ZNF804A: variants seen among roughly 807,000 people sequenced by gnomAD.
ZNF804A encodes the protein zinc finger protein 804A.
In ZNF804A, 2 loss-of-function variants were observed where a neutral mutation model predicts 16.5. That is an observed-to-expected ratio of 0.12 (90% CI 0.05 to 0.38). The LOEUF (loss-of-function observed/expected upper bound fraction) is 0.38, where lower values mean the gene tolerates loss of function less well. ZNF804A is among the 10% of genes least tolerant of loss of function. ZNF804A has a pLI of 0.99. For missense variants in ZNF804A, 1,473 were observed against 1,390.7 expected (o/e 1.06, Z -0.94); for synonymous variants, 534 against 489.6 (o/e 1.09, Z -1.20).
At chr2:184,863,281 A>T (rs1007917305) in intron 1 of ZNF804A, among the ~76,000 whole-genome samples, 4 of 152,136 alleles carry the variant, frequency 2.6e-5, no homozygotes, top group Admixed American at 2.6e-4. Context: ...GTGCTTCATT[A>T]TTTCCATCTG....
chr2:184,938,460 C>A lies in ZNF804A; in HGVS notation c.3064C>A (p.Gln1022Lys). The A allele has an allele frequency of 6.2e-7, 1 of 1,614,060 alleles. No homozygotes were observed. The highest frequency in any genetic ancestry group is 1.1e-5 in the South Asian group (1 of 91,086). Residue 1022 changes from glutamine to lysine, a missense_variant, in exon 4 of 4, where the codon CAA (glutamine) becomes AAA (lysine). Physicochemically the swap from Gln to Lys is moderately conservative, Grantham distance 53. Transcript: ENST00000302277. Reference protein sequence around the residue: ...VSGHTFVTAEQILAPLALPEQ... With the variant: ...VSGHTFVTAEKILAPLALPEQ... ...TGGTCATACTTTTGTAACAGCTGAG[C>A]AAATCCTGGCTCCATTAGCTTTACC...
intron 1 of ZNF804A, among the ~76,000 whole-genome samples, chr2:184,751,791 A>G (rs1474455072): frequency 6.6e-6 from 1 of 151,412 alleles, no homozygotes; most frequent in Non-Finnish European, 1.5e-5. Flanking sequence ...GAAAGATACA[A>G]ACAACCACAT....
Position 184,936,273 on chromosome 2 carries a change from A to T in ZNF804A, c.877A>T (p.Thr293Ser), listed in dbSNP as rs1303583785. 2 of 1,613,964 alleles carry T rather than the reference A, an allele frequency of 1.2e-6. No homozygotes were observed. The highest frequency in any genetic ancestry group is 1.7e-6 in the Non-Finnish European group (2 of 1,179,956). ...GTGCAGAGACAAAGAAACTGTTCAA[A>T]CTCAAGAGATAAAAGAAGTCTCTAG... ...AMCRDKETVQ[T>S]QEIKEVSSEK... The change falls in exon 4 of 4, where the codon ACT (threonine) becomes TCT (serine). Residue 293 changes from threonine (T) to serine (S), a missense_variant. Transcript: ENST00000302277.
chr2:184,695,334 G>A (rs1692813711), intron 1 of ZNF804A, among the ~76,000 whole-genome samples: 1 of 151,694 alleles, frequency 6.6e-6, no homozygotes, highest in Admixed American at 6.6e-5. Context: ...GGTGGCATGT[G>A]CCTGTAGTCC....
chr2:184,813,641 T>G (rs761681525), intron 1 of ZNF804A, among the ~76,000 whole-genome samples: 2 of 152,076 alleles, frequency 1.3e-5, no homozygotes, highest in Non-Finnish European at 2.9e-5. Flanking sequence ...AATGAAAGTA[T>G]GCAGTTTTAC....
At chr2:184,652,237 G>A (rs1016379378) in intron 1 of ZNF804A, among the ~76,000 whole-genome samples, 7 of 151,976 alleles carry the variant, frequency 4.6e-5, no homozygotes, top group African/African-American at 1.4e-4. Context: ...GCTAAATATT[G>A]GGTACTCATG....
intron 1 of ZNF804A, among the ~76,000 whole-genome samples, chr2:184,660,016 C>T (rs1692144102): frequency 6.6e-6 from 1 of 152,158 alleles, no homozygotes; most frequent in South Asian, 2.1e-4. Context: ...AAGGCTGAAG[C>T]AGAAGGCTCT....
intron 2 of ZNF804A, among the ~76,000 whole-genome samples, chr2:184,877,869 A>G (rs1374360194): frequency 6.6e-6 from 1 of 152,110 alleles, no homozygotes; most frequent in Non-Finnish European, 1.5e-5. Flanking sequence ...TACTTGTTGA[A>G]AAAATAATAT....
intron 1 of ZNF804A, among the ~76,000 whole-genome samples, chr2:184,610,211 C>T (rs1382830665): frequency 6.6e-6 from 1 of 152,204 alleles, no homozygotes; most frequent in African/African-American, 2.4e-5. Context: ...AAGCTTGTCA[C>T]CAGATGCAGT....
At chr2:184,745,475 T>A (rs758467296) in intron 1 of ZNF804A, among the ~76,000 whole-genome samples, 1 of 151,660 alleles carries the variant, frequency 6.6e-6, no homozygotes, top group Non-Finnish European at 1.5e-5. Context: ...TAAATCAACG[T>A]TTTACTGATG....
intron 1 of ZNF804A, among the ~76,000 whole-genome samples, chr2:184,666,259 A>G (rs761391740): frequency 6.6e-6 from 1 of 152,152 alleles, no homozygotes; most frequent in Non-Finnish European, 1.5e-5. Context: ...ATCGTATATC[A>G]TATTTGATTA....
At chr2:184,634,393 G>C (rs1471670684) in intron 1 of ZNF804A, among the ~76,000 whole-genome samples, 3 of 152,132 alleles carry the variant, frequency 2.0e-5, no homozygotes, top group African/African-American at 7.2e-5. Context: ...ACTTTTAAAA[G>C]TGACTTTGCA....
In ZNF804A at chr2:184,709,183, C is replaced by G. The variant is rs79062611; in HGVS notation, c.111+110113C>G. Among the ~76,000 whole-genome samples the G allele has an allele frequency of 2.5e-3, 381 of 152,142 alleles. 6 individuals are homozygous for G. The highest frequency in any genetic ancestry group is 8.6e-3 in the African/African-American group (357 of 41,532). On this transcript the variant is annotated intron_variant, in intron 1 of 3. Coordinates refer to ENST00000302277, the MANE Select transcript of ZNF804A (RefSeq NM_194250.2). The stretch of plus-strand genomic sequence containing the variant: ...TTGTACTGCCCTTTGGGGTATACAA[C>G]AATCCTCCACTTGGTCTGGAATTTG...
intron 1 of ZNF804A, among the ~76,000 whole-genome samples, chr2:184,776,986 G>A (rs982155477): frequency 6.6e-6 from 1 of 151,574 alleles, no homozygotes; most frequent in Non-Finnish European, 1.5e-5. Context: ...GCTATGGTTA[G>A]CAATGTCCAC....
At chr2:184,778,055 G>T (rs1694315201) in intron 1 of ZNF804A, among the ~76,000 whole-genome samples, 1 of 151,568 alleles carries the variant, frequency 6.6e-6, no homozygotes, top group Non-Finnish European at 1.5e-5. Flanking sequence ...CAGTTTAGAA[G>T]ATTCTACATT....
At chr2:184,798,013 TG>T (rs1197221999) in intron 1 of ZNF804A, among the ~76,000 whole-genome samples, 1 of 140,288 alleles carries the variant, frequency 7.1e-6, no homozygotes, top group African/African-American at 2.8e-5. Context: ...TATATGTGTG[TG>T]TGTGTGTGTG....
intron 2 of ZNF804A, among the ~76,000 whole-genome samples, chr2:184,901,138 A>G (rs1414309065): frequency 6.6e-6 from 1 of 152,158 alleles, no homozygotes; most frequent in African/African-American, 2.4e-5. Flanking sequence ...GTAGCAATAG[A>G]ATCTCTTATA....
intron 2 of ZNF804A, among the ~76,000 whole-genome samples, chr2:184,884,937 C>T (rs1485801693): frequency 6.6e-6 from 1 of 152,070 alleles, no homozygotes; most frequent in Non-Finnish European, 1.5e-5. Flanking sequence ...AAAACACTTG[C>T]AAACTATGCA....
At chr2:184,752,272 A>G (rs1693887748) in intron 1 of ZNF804A, among the ~76,000 whole-genome samples, 1 of 151,748 alleles carries the variant, frequency 6.6e-6, no homozygotes, top group African/African-American at 2.4e-5. Context: ...AATGTGGTAT[A>G]TATACACCAT....
Sources: gnomAD v4.1 joint callset for allele counts (sites outside exome capture counted in the v4.1 genomes callset) on GRCh38, gnomAD v4.1.1 for gene constraint, MANE v1.5 for transcripts, NCBI Gene and HGNC (gene_info 2026-07-23, HGNC 2026-07-21) for gene names.